The following ZNF587 variants were observed in gnomAD, a reference collection of about 807,000 sequenced individuals.
ZNF587 encodes zinc finger protein 587.
In ZNF587, 8 loss-of-function variants were observed where a neutral mutation model predicts 7.5. The ratio of observed to expected loss-of-function variants is 1.06; its 90% CI spans 0.62 to 1.92. The LOEUF (loss-of-function observed/expected upper bound fraction) is 1.92, where lower values mean the gene tolerates loss of function less well. Ranked by LOEUF, ZNF587 falls within the 40% of genes most tolerant of loss-of-function variation. The pLI, the probability that ZNF587 is intolerant of heterozygous loss-of-function variation, is 0.00. For synonymous variants in ZNF587, 145 were observed against 237.8 expected, an observed-to-expected ratio of 0.61 and a Z score of 3.59; for missense variants, 468 against 692.8, an observed-to-expected ratio of 0.68 and a Z score of 3.64.
In ZNF587 at chr19:57,860,854, G is replaced by T. The variant is rs1377417748; in HGVS notation, c.*714G>T. The T allele has an allele frequency of 6.6e-6, 1 of 152,134 alleles. No individual in the cohort carries two copies. Among genetic ancestry groups the T allele is most frequent in the Non-Finnish European group, 1.5e-5 (1 of 68,056 alleles). 9.4% of individuals were successfully genotyped at this position (152,134 alleles called of 1,614,324 possible). On this transcript the variant is annotated 3_prime_UTR_variant, in exon 3 of 3. Coordinates refer to ENST00000339656, the MANE Select transcript of ZNF587 (RefSeq NM_032828.4). ...TGTGCAGTGCCTGAGTCACGTGATA[G>T]ATTAAAGTACAACTCTTTTTTGAGA... is the stretch of plus-strand genomic sequence containing the variant.
At position 57,861,768 on chromosome 19, in the gene ZNF587, G is replaced by GTTTTATTTT; in HGVS notation, c.*1632_*1633insATTTTTTTT. 1.1e-5 allele frequency: 1 copy of GTTTTATTTT among 90,758 alleles called. No homozygotes were observed. The highest frequency in any genetic ancestry group is 2.7e-4 in the South Asian group (1 of 3,700). The allele number at this position is 90,758 out of a possible 1,614,324, so 5.6% of individuals were successfully genotyped here. A position where few individuals can be genotyped will look rare whatever the true frequency, so the allele number is the denominator to read the frequency against. ...GTCACTTTGCTGCAAGGAATATTTGGTTTTCTTTTTTTTTTTTTTTTCCAG... is the reference window on the plus strand; with the variant it reads ...GTCACTTTGCTGCAAGGAATATTTGGTTTTATTTTTTTTCTTTTTTTTTTTTTTTTCCAG... On this transcript the variant is annotated 3_prime_UTR_variant, in exon 3 of 3. Transcript: ENST00000339656.
At chr19:57,852,325 G>A (rs1254460179) in intron 1 of ZNF587, 7 of 398,452 alleles carry the variant, frequency 1.8e-5, no homozygotes, top group Non-Finnish European at 3.1e-5. Context: ...TCAAAGTCAG[G>A]AGGTGATATT....
In ZNF587 at chr19:57,859,874, G is replaced by A. The variant is rs2071412763; in HGVS notation, c.1462G>A (p.Gly488Arg). 4 of 1,614,220 alleles carry A rather than the reference G, an allele frequency of 2.5e-6. No homozygotes were observed. The highest frequency in any genetic ancestry group is 3.4e-6 in the Non-Finnish European group (4 of 1,180,028). Residue 488 changes from glycine to arginine, a missense_variant, in exon 3 of 3, where the codon GGA (glycine) becomes AGA (arginine). By Grantham distance (125) the Gly-to-Arg change is moderately radical. Around this residue, in one of 5 missense-constraint regions of ZNF587, gnomAD observed 310 missense variants for 325.6 expected, o/e 0.95. Coordinates refer to ENST00000339656, the MANE Select transcript of ZNF587 (RefSeq NM_032828.4). ...GACTATACATCAGAGGATTCACACT[G>A]GAGAAAGGCCGTATGAATGCAGTGA... ...SVTIHQRIHT[G>R]ERPYECSECG...
At position 57,857,733 on chromosome 19, in the gene ZNF587, C is replaced by T. The variant is rs576663937; in HGVS notation, c.164-843C>T. On this transcript the variant is annotated intron_variant, in intron 2 of 2. Coordinates refer to ENST00000339656, the MANE Select transcript of ZNF587 (RefSeq NM_032828.4). ...CAGTGTAACCTCTGCCTCCTGGGTT[C>T]AAGCGATTCTCCTGCCTCAGCCTCC... Among the ~76,000 whole-genome samples, 22 of 152,000 alleles carry T rather than the reference C, an allele frequency of 1.4e-4. No homozygotes were observed. The East Asian group carries it at 3.9e-3, about 27-fold the overall frequency.
chr19:57,859,519 C>T lies in ZNF587; in HGVS notation c.1107C>T (p.Asn369=), dbSNP rs550248970. 1 of 1,613,542 alleles carries T rather than the reference C, an allele frequency of 6.2e-7. No homozygotes were observed. The highest frequency in any genetic ancestry group is 2.2e-5 in the East Asian group (1 of 44,852). ...TTCGTCAGAAGTTCTGCTTTATTAA[C>T]CATCAGCGTGTTCACACTGGAGAAA... is the stretch of plus-strand genomic sequence containing the variant. ...KSFRQKFCFI[N]HQRVHTGERP... The change falls in exon 3 of 3, where the codon AAC becomes AAT. Residue 369 remains asparagine (N), a synonymous_variant. Coordinates refer to ENST00000339656, the MANE Select transcript of ZNF587 (RefSeq NM_032828.4).
rs540889956 is a variant in ZNF587, at chr19:57,861,564, G to A, written c.*1424G>A. ...GTCTGATCGCGAACTCCTGGGCTCAGGCGATCCACTTGCCTAGGCTCCAAA... is the reference window on the plus strand; with the variant it reads ...GTCTGATCGCGAACTCCTGGGCTCAAGCGATCCACTTGCCTAGGCTCCAAA... On this transcript the variant is annotated 3_prime_UTR_variant, in exon 3 of 3. Coordinates refer to ENST00000339656, the MANE Select transcript of ZNF587 (RefSeq NM_032828.4). 1.3e-4 allele frequency: 20 copies of A among 152,244 alleles called. No homozygotes were observed. Among genetic ancestry groups the A allele is most frequent in the African/African-American group, 4.6e-4 (19 of 41,548 alleles). 9.4% of individuals were successfully genotyped at this position (152,244 alleles called of 1,614,324 possible).
rs112900689 is a variant in ZNF587, at chr19:57,850,061, G to C, written c.23G>C (p.Arg8Pro). 5 of 1,614,268 alleles carry C rather than the reference G, an allele frequency of 3.1e-6. No individual in the cohort carries two copies. The highest frequency in any genetic ancestry group is 4.2e-6 in the Non-Finnish European group (5 of 1,180,056). MAAAVPR[R>P]PTQQGTVTFE... is the part of the protein sequence containing the mutation. The stretch of plus-strand genomic sequence containing the variant: ...CCGATGGCAGCGGCTGTGCCGAGGC[G>C]CCCAACTCAGGTAATTGTGGTGCCT... The change falls in exon 1 of 3, where the codon CGC becomes CCC. Residue 8 changes from arginine to proline, a missense_variant. Physicochemically the swap from Arg to Pro is moderately radical, Grantham distance 103. Transcript: ENST00000339656.
rs1421923034 is a variant in ZNF587 at position 57,863,175 on chromosome 19, G to A, written c.*3035G>A. On this transcript the variant is annotated 3_prime_UTR_variant, in exon 3 of 3. Coordinates refer to ENST00000339656, the MANE Select transcript of ZNF587 (RefSeq NM_032828.4). ...TCTCTTGCCCAGGTTGGAGTGCCGT[G>A]TCGCAATCTCAGCTCACTGCAACTT... 6.6e-6 allele frequency: 1 copy of A among 152,216 alleles called. No individual in the cohort carries two copies. The highest frequency in any genetic ancestry group is 1.5e-5 in the Non-Finnish European group (1 of 68,064). 9.4% of individuals were successfully genotyped at this position (152,216 alleles called of 1,614,324 possible). A position where few individuals can be genotyped will look rare whatever the true frequency, so the allele number is the denominator to read the frequency against.
chr19:57,859,904 G>C lies in ZNF587; in HGVS notation c.1492G>C (p.Gly498Arg). The C allele has an allele frequency of 1.2e-6, 2 of 1,614,144 alleles. No homozygotes were observed. The highest frequency in any genetic ancestry group is 1.7e-6 in the Non-Finnish European group (2 of 1,180,010). ...AAGGCCGTATGAATGCAGTGAATGT[G>C]GGAAATCATTTCTTTCCAGCTCTGC... is the stretch of plus-strand genomic sequence containing the variant. ...GERPYECSECGKSFLSSSALH... is the reference protein window; with the variant it reads ...GERPYECSECRKSFLSSSALH... Residue 498 changes from glycine (G) to arginine (R), a missense_variant, in exon 3 of 3, where the codon GGG becomes CGG. Gly to Arg is a moderately radical substitution (Grantham distance 125). Coordinates refer to ENST00000339656, the MANE Select transcript of ZNF587 (RefSeq NM_032828.4).
chr19:57,856,270 G>T lies in ZNF587; in HGVS notation c.163+37G>T, dbSNP rs1160722140. On this transcript the variant is annotated intron_variant, in intron 2 of 2. Transcript: ENST00000339656. ...ACGCTCACCTTTGTGACCTGAGCTAGTGTTACTGTTCCCCTGTTTTTCATT... is the reference window on the plus strand; with the variant it reads ...ACGCTCACCTTTGTGACCTGAGCTATTGTTACTGTTCCCCTGTTTTTCATT... 9 of 1,539,444 alleles carry T rather than the reference G, an allele frequency of 5.8e-6. No individual in the cohort carries two copies. The East Asian group carries it at 1.6e-4, about 27-fold the overall frequency.
chr19:57,850,772 T>G, intron 1 of ZNF587: 1 of 391,950 alleles, frequency 2.6e-6, no homozygotes, highest in Admixed American at 4.4e-5. Flanking sequence ...AAGCTCTTTG[T>G]TCTTATGGCT....
At position 57,849,994 on chromosome 19, in the gene ZNF587, T is replaced by C; in HGVS notation, c.-45T>C. The C allele has an allele frequency of 1.2e-6, 2 of 1,613,962 alleles. No individual in the cohort carries two copies. The highest frequency in any genetic ancestry group is 1.7e-6 in the Non-Finnish European group (2 of 1,180,018). On this transcript the variant is annotated 5_prime_UTR_variant, in exon 1 of 3. Coordinates refer to ENST00000339656, the MANE Select transcript of ZNF587 (RefSeq NM_032828.4). ...GCCCAGAGGCGGCTCTGCAGCCCCG[T>C]GACGGCGACCACTGCTCCCGGGCCG...
rs1311659258 is a variant in ZNF587 at position 57,861,518 on chromosome 19, A to C, written c.*1378A>C. On this transcript the variant is annotated 3_prime_UTR_variant, in exon 3 of 3. Transcript: ENST00000339656. Reference sequence around the variant, plus strand: ...GATAACTTTTGTATTTTCTGTAGAGAGGGTTTTACCTTTTTGCCCAGTCTG... The same window carrying C: ...GATAACTTTTGTATTTTCTGTAGAGCGGGTTTTACCTTTTTGCCCAGTCTG... 2.0e-5 allele frequency: 3 copies of C among 151,974 alleles called. No individual in the cohort carries two copies. Among genetic ancestry groups the C allele is most frequent in the Non-Finnish European group, 4.4e-5 (3 of 68,008 alleles). The allele number at this position is 151,974 out of a possible 1,614,324, so 9.4% of individuals were successfully genotyped here. A position where few individuals can be genotyped will look rare whatever the true frequency, so the allele number is the denominator to read the frequency against.
At position 57,860,448 on chromosome 19, in the gene ZNF587, T is replaced by TA. The variant is rs2071420310; in HGVS notation, c.*309dup. 2 of 416,666 alleles carry TA rather than the reference T, an allele frequency of 4.8e-6. No homozygotes were observed. The highest frequency in any genetic ancestry group is 9.7e-5 in the East Asian group (2 of 20,544). The allele number at this position is 416,666 out of a possible 1,614,324, so 25.8% of individuals were successfully genotyped here. On this transcript the variant is annotated 3_prime_UTR_variant, in exon 3 of 3. Coordinates refer to ENST00000339656, the MANE Select transcript of ZNF587 (RefSeq NM_032828.4). The stretch of plus-strand genomic sequence containing the variant: ...CACGCCCAGCTAATTTTTGTGTTTT[T>TA]AGTGGAGATGGGGTTTTACCATGTT...
rs531106431 is a variant in ZNF587 at position 57,860,968 on chromosome 19, C to G, written c.*828C>G. 1 of 152,176 alleles carries G rather than the reference C, an allele frequency of 6.6e-6. No individual in the cohort carries two copies. Among genetic ancestry groups the G allele is most frequent in the African/African-American group, 2.4e-5 (1 of 41,428 alleles). The allele number at this position is 152,176 out of a possible 1,614,324, so 9.4% of individuals were successfully genotyped here. ...TGCCTCCCAAGTTCAACTGATTCTTCTGCCTCAGCCTCCCGAGTAGCAGGG... is the reference window on the plus strand; with the variant it reads ...TGCCTCCCAAGTTCAACTGATTCTTGTGCCTCAGCCTCCCGAGTAGCAGGG... On this transcript the variant is annotated 3_prime_UTR_variant, in exon 3 of 3. Coordinates refer to ENST00000339656, the MANE Select transcript of ZNF587 (RefSeq NM_032828.4).
chr19:57,860,302 T>A lies in ZNF587; in HGVS notation c.*162T>A. 7.2e-7 allele frequency: 1 copy of A among 1,396,262 alleles called. No homozygotes were observed. The highest frequency in any genetic ancestry group is 9.8e-7 in the Non-Finnish European group (1 of 1,016,596). 86.5% of individuals were successfully genotyped at this position (1,396,262 alleles called of 1,614,324 possible). On this transcript the variant is annotated 3_prime_UTR_variant, in exon 3 of 3. Coordinates refer to ENST00000339656, the MANE Select transcript of ZNF587 (RefSeq NM_032828.4). The stretch of plus-strand genomic sequence containing the variant: ...ACTTCGTGTTGAGATGGAGTCTTGT[T>A]CTGTCACCCAGGCTGGAGTGCAGTG...
Position 57,860,342 on chromosome 19 carries a change from C to G in ZNF587, c.*202C>G. ...GGAGTGCAGTGGTGCAGTCTTGGCT[C>G]GCTGCAACTTGGGCCTCCTGGGTTC... On this transcript the variant is annotated 3_prime_UTR_variant, in exon 3 of 3. Coordinates refer to ENST00000339656, the MANE Select transcript of ZNF587 (RefSeq NM_032828.4). 1 of 1,001,728 alleles carries G rather than the reference C, an allele frequency of 1.0e-6. No homozygotes were observed. Among genetic ancestry groups the G allele is most frequent in the South Asian group, 1.7e-5 (1 of 59,966 alleles). The allele number at this position is 1,001,728 out of a possible 1,614,324, so 62.1% of individuals were successfully genotyped here. A position where few individuals can be genotyped will look rare whatever the true frequency, so the allele number is the denominator to read the frequency against.
intron 2 of ZNF587, chr19:57,858,314 A>G (rs556251614): frequency 1.9e-6 from 1 of 529,828 alleles, no homozygotes; most frequent in Non-Finnish European, 3.2e-6. Context: ...TTTAGTAGAG[A>G]TGGGGTTTCA....
intron 1 of ZNF587, chr19:57,850,492 TG>T (rs1171827708): frequency 2.0e-6 from 1 of 494,798 alleles, no homozygotes; most frequent in African/African-American, 2.0e-5. Flanking sequence ...CTGTTCTGGG[TG>T]GGATGGCAGA....
Sources: gnomAD v4.1 joint callset for allele counts (sites outside exome capture counted in the v4.1 genomes callset) on GRCh38, gnomAD v4.1.1 for gene constraint, gnomAD v4.1.1 regional missense constraint, MANE v1.5 for transcripts, NCBI Gene and HGNC (gene_info 2026-07-23, HGNC 2026-07-21) for gene names.